The following ATG14 variants were observed in gnomAD, a reference collection of about 807,000 sequenced individuals.
The protein encoded by ATG14 is beclin 1-associated autophagy-related key regulator.
ATG14 carries 35 observed loss-of-function variants against 60.4 expected under a neutral mutation model. The observed-to-expected ratio is 0.58, with a 90% CI of 0.44 to 0.77. The LOEUF is 0.77. Ranked by LOEUF, ATG14 falls within the 30% of genes least tolerant of loss-of-function variation. The pLI is 0.00. For missense variants in ATG14, 647 were observed against 626.3 expected (o/e 1.03, Z -0.35); for synonymous variants, 234 against 228.8 (o/e 1.02, Z -0.21).
intron 9 of ATG14, among the ~76,000 whole-genome samples, chr14:55,372,886 C>T (rs531881841): frequency 5.3e-5 from 8 of 152,310 alleles, no homozygotes; most frequent in African/African-American, 1.4e-4. Context: ...CCACCTGGCA[C>T]GGAGCAGGCG....
intron 7 of ATG14, among the ~76,000 whole-genome samples, chr14:55,378,733 CTG>C (rs2140127007): frequency 6.6e-6 from 1 of 152,252 alleles, no homozygotes; most frequent in South Asian, 2.1e-4. Flanking sequence ...GGGTCTCACT[CTG>C]TCACCCAGGC....
At chr14:55,380,525 C>G (rs1449481789) in intron 7 of ATG14, 48 bp downstream of exon 7, 3 of 1,252,096 alleles carry the variant, frequency 2.4e-6, no homozygotes, top group Non-Finnish European at 3.5e-6. Flanking sequence ...AAAATAGAAA[C>G]TTGAAAGAGC....
At chr14:55,390,793 C>G in intron 4 of ATG14, 118 bp downstream of exon 4, 1 of 685,970 alleles carries the variant, frequency 1.5e-6, no homozygotes, top group East Asian at 3.0e-5. Flanking sequence ...TAGTAAAATT[C>G]TCCAAGTTGC....
At chr14:55,410,818 A>G (rs1282934282) in intron 1 of ATG14, among the ~76,000 whole-genome samples, 2 of 152,120 alleles carry the variant, frequency 1.3e-5, no homozygotes, top group Admixed American at 1.3e-4. Context: ...TCTTACTATC[A>G]TTGACTATCA....
chr14:55,373,388 A>G (rs1180280108), intron 9 of ATG14, among the ~76,000 whole-genome samples: 3 of 152,198 alleles, frequency 2.0e-5, no homozygotes, highest in Non-Finnish European at 4.4e-5. Context: ...GAAACTGCAC[A>G]AAGGATAAGC....
chr14:55,394,492 T>A (rs1885279771), intron 3 of ATG14, among the ~76,000 whole-genome samples: 1 of 152,240 alleles, frequency 6.6e-6, no homozygotes, highest in Non-Finnish European at 1.5e-5. Flanking sequence ...TATAAAGTCA[T>A]CAAGTACCAC....
At chr14:55,409,332 T>TAA (rs1256981304) in intron 1 of ATG14, among the ~76,000 whole-genome samples, 2 of 152,174 alleles carry the variant, frequency 1.3e-5, no homozygotes, top group African/African-American at 2.4e-5. Context: ...CCATAAATCT[T>TAA]TATTGAGTTT....
intron 1 of ATG14, among the ~76,000 whole-genome samples, chr14:55,405,009 A>C (rs1001566395): frequency 6.6e-6 from 1 of 152,256 alleles, no homozygotes; most frequent in Non-Finnish European, 1.5e-5. Context: ...CAGTGATACT[A>C]GCTGAAAATA....
chr14:55,408,311 T>G (rs1168001509), intron 1 of ATG14, among the ~76,000 whole-genome samples: 1 of 151,952 alleles, frequency 6.6e-6, no homozygotes, highest in East Asian at 1.9e-4. Context: ...AAAAACTAGT[T>G]AGGCGTGTTG....
chr14:55,401,501 G>GTATTT (rs1169922863), intron 1 of ATG14, among the ~76,000 whole-genome samples: 1 of 151,828 alleles, frequency 6.6e-6, no homozygotes, highest in Non-Finnish European at 1.5e-5. Context: ...ACTATTTTCC[G>GTATTT]TATTTTCTCT....
intron 9 of ATG14, among the ~76,000 whole-genome samples, chr14:55,375,490 A>ATTTTTTT (rs779634897): frequency 8.5e-6 from 1 of 117,798 alleles, no homozygotes; most frequent in African/African-American, 3.4e-5. Context: ...GCCGGGCTAA[A>ATTTTTTT]TTTTTTTTTT....
chr14:55,387,514 C>G (rs1037195474), intron 4 of ATG14, among the ~76,000 whole-genome samples: 3 of 152,156 alleles, frequency 2.0e-5, no homozygotes, highest in Non-Finnish European at 2.9e-5. Flanking sequence ...GCGCATAGCT[C>G]TTGGTTCCTC....
intron 1 of ATG14, among the ~76,000 whole-genome samples, chr14:55,406,489 A>C (rs1454376471): frequency 1.3e-5 from 2 of 152,236 alleles, no homozygotes; most frequent in Non-Finnish European, 2.9e-5. Flanking sequence ...AGAATATCTC[A>C]CAATCAACCT....
intron 7 of ATG14, 24 bp from the exon 8 acceptor site, chr14:55,378,098 T>C (rs1566578355): frequency 6.3e-7 from 1 of 1,597,942 alleles, no homozygotes; most frequent in Non-Finnish European, 8.6e-7. Context: ...ATACAATTTA[T>C]AAAGTTGCAT....
chr14:55,377,749 A>G (rs2035830001), intron 9 of ATG14, 70 bp downstream of exon 9: 1 of 1,172,376 alleles, frequency 8.5e-7, no homozygotes, highest in Non-Finnish European at 1.2e-6. Context: ...CGACTCTACT[A>G]TGCCAACATA....
chr14:55,397,681 C>T (rs1280878589), intron 1 of ATG14, among the ~76,000 whole-genome samples: 5 of 152,158 alleles, frequency 3.3e-5, no homozygotes, highest in African/African-American at 9.7e-5. Context: ...AGATATCTTC[C>T]GCCCAGATTA....
intron 9 of ATG14, among the ~76,000 whole-genome samples, chr14:55,372,087 C>T (rs1051453906): frequency 6.6e-6 from 1 of 152,148 alleles, no homozygotes; most frequent in Non-Finnish European, 1.5e-5. Flanking sequence ...TCTCCTAGCG[C>T]CACTCCCAAA....
chr14:55,369,451 A>T lies in ATG14; in HGVS notation c.*168T>A, dbSNP rs2140114366. The T allele has an allele frequency of 1.6e-6, 1 of 610,764 alleles. No individual in the cohort carries two copies. The highest frequency in any genetic ancestry group is 4.8e-5 in the South Asian group (1 of 20,754). The allele number at this position is 610,764 out of a possible 1,614,324, so 37.8% of individuals were successfully genotyped here. A position where few individuals can be genotyped will look rare whatever the true frequency, so the allele number is the denominator to read the frequency against. On this transcript the variant is annotated 3_prime_UTR_variant, in exon 10 of 10. Coordinates refer to ENST00000247178, the MANE Select transcript of ATG14 (RefSeq NM_014924.5). ...AGCATGTTGGTCACCATCACAGGCCACTTGGCAAATAGAAATGTTTGTCTC... is the reference window on the plus strand; with the variant it reads ...AGCATGTTGGTCACCATCACAGGCCTCTTGGCAAATAGAAATGTTTGTCTC...
Position 55,369,132 on chromosome 14 carries a change from AC to A in ATG14, c.*486del, listed in dbSNP as rs1327889199. ...TTTTAAATTGCCTGCTGGTTCTCAT[AC>A]AAAAAACAATGGCAGAAAAACTCTT... On this transcript the variant is annotated 3_prime_UTR_variant, in exon 10 of 10. Transcript: ENST00000247178. 1 of 152,756 alleles carries A rather than the reference AC, an allele frequency of 6.5e-6. No individual in the cohort carries two copies. The highest frequency in any genetic ancestry group is 1.5e-5 in the Non-Finnish European group (1 of 68,112). 9.5% of individuals were successfully genotyped at this position (152,756 alleles called of 1,614,324 possible). A position where few individuals can be genotyped will look rare whatever the true frequency, so the allele number is the denominator to read the frequency against.
Sources: gnomAD v4.1 joint callset for allele counts (sites outside exome capture counted in the v4.1 genomes callset) on GRCh38, gnomAD v4.1.1 for gene constraint, MANE v1.5 for transcripts, NCBI Gene and HGNC (gene_info 2026-07-23, HGNC 2026-07-21) for gene names.